The following H3-3A variants were observed in gnomAD, a reference collection of about 807,000 sequenced individuals.
The protein encoded by H3-3A is histone H3.3.
For missense variants in H3-3A, 7 were observed against 184.0 expected, an observed-to-expected ratio of 0.04 and a Z score of 5.57; for synonymous variants, 49 against 61.4, an observed-to-expected ratio of 0.80 and a Z score of 0.95.
chr1:226,062,993 C>T (rs1657784972), intron 1 of H3-3A, among the ~76,000 whole-genome samples, 182 bp downstream of exon 1: 2 of 151,906 alleles, frequency 1.3e-5, no homozygotes, highest in African/African-American at 2.4e-5. Flanking sequence ...GGCGGCTCCC[C>T]CGTCTCTCGC....
chr1:226,064,625 G>A (rs1428169643), intron 2 of H3-3A, 146 bp downstream of exon 2: 2 of 610,408 alleles, frequency 3.3e-6, no homozygotes, highest in Admixed American at 3.2e-5. Context: ...TTAAATAAAT[G>A]TACTGTATGA....
At chr1:226,069,391 G>GT (rs1658029264) in intron 3 of H3-3A, among the ~76,000 whole-genome samples, 1 of 152,128 alleles carries the variant, frequency 6.6e-6, no homozygotes, top group Non-Finnish European at 1.5e-5. Context: ...CTATAAGACT[G>GT]TTTTCTCCCT....
At chr1:226,069,576 A>C (rs932952773) in intron 3 of H3-3A, among the ~76,000 whole-genome samples, 1 of 152,162 alleles carries the variant, frequency 6.6e-6, no homozygotes, top group Non-Finnish European at 1.5e-5. Context: ...TCACACCTGT[A>C]ATCCCAGCAC....
At chr1:226,068,973 T>C (rs2102739925) in intron 3 of H3-3A, among the ~76,000 whole-genome samples, 1 of 152,216 alleles carries the variant, frequency 6.6e-6, no homozygotes, top group East Asian at 1.9e-4. Context: ...GTGAAAATAG[T>C]TCAATTTGAA....
At chr1:226,063,192 G>A (rs555973403) in intron 1 of H3-3A, among the ~76,000 whole-genome samples, 1 of 151,664 alleles carries the variant, frequency 6.6e-6, no homozygotes, top group East Asian at 2.0e-4. Flanking sequence ...GTTTTCGAGC[G>A]GGAAAGGGGT....
chr1:226,067,242 A>G (rs548688970), intron 3 of H3-3A: 1 of 152,316 alleles, frequency 6.6e-6, no homozygotes, highest in Admixed American at 6.5e-5. Context: ...TCATCTTTCT[A>G]AAATTATTCA....
upstream of H3-3A, chr1:226,061,837 T>A (rs1471499420): frequency 6.6e-6 from 1 of 152,076 alleles, no homozygotes; most frequent in African/African-American, 2.4e-5. Flanking sequence ...CTCCACACAT[T>A]GTTTAGAGGC....
chr1:226,067,372 G>C (rs953947440), intron 3 of H3-3A: 1 of 152,106 alleles, frequency 6.6e-6, no homozygotes, highest in Non-Finnish European at 1.5e-5. Flanking sequence ...CTCTTTATTG[G>C]AAAGAGTGAT....
At chr1:226,066,593 A>G (rs1576200673) in intron 3 of H3-3A, 1 of 152,362 alleles carries the variant, frequency 6.6e-6, no homozygotes, top group East Asian at 1.9e-4. Context: ...CATTAACATC[A>G]GTCACTTAAG....
intron 3 of H3-3A, chr1:226,067,216 A>C (rs1353179176): frequency 1.3e-5 from 2 of 152,192 alleles, no homozygotes; most frequent in Non-Finnish European, 2.9e-5. Context: ...TTTACTAAAC[A>C]ATCTGGGTAA....
chr1:226,061,874 G>GGGGCCC (rs992298651), upstream of H3-3A: 4 of 152,346 alleles, frequency 2.6e-5, no homozygotes, highest in Non-Finnish European at 5.9e-5. Flanking sequence ...TCTTGCGTCG[G>GGGGCCC]GGGCCCGGGC....
intron 1 of H3-3A, among the ~76,000 whole-genome samples, chr1:226,063,023 CA>C (rs1657786880): frequency 6.6e-6 from 1 of 152,092 alleles, no homozygotes; most frequent in Non-Finnish European, 1.5e-5. Flanking sequence ...CCAACAGCAG[CA>C]ACCGCCGCGG....
In H3-3A at chr1:226,071,367, A is replaced by G; in HGVS notation, c.299A>G (p.Tyr100Cys). Residue 100 changes from tyrosine to cysteine, a missense_variant, in exon 4 of 4, where the codon TAT becomes TGT. Tyr to Cys is a radical substitution (Grantham distance 194). Transcript: ENST00000366815. ...IGALQEASEAYLVGLFEDTNL... is the reference protein window; with the variant it reads ...IGALQEASEACLVGLFEDTNL... Reference sequence around the variant, plus strand: ...CTTTTGCAGGAGGCAAGTGAGGCCTATCTGGTTGGCCTTTTTGAAGACACC... The same window carrying G: ...CTTTTGCAGGAGGCAAGTGAGGCCTGTCTGGTTGGCCTTTTTGAAGACACC... The G allele has an allele frequency of 6.2e-7, 1 of 1,603,948 alleles. No individual in the cohort carries two copies. Among genetic ancestry groups the G allele is most frequent in the African/African-American group, 1.3e-5 (1 of 74,872 alleles).
intron 1 of H3-3A, among the ~76,000 whole-genome samples, chr1:226,063,051 C>T (rs1315046285): frequency 1.3e-5 from 2 of 152,062 alleles, no homozygotes; most frequent in African/African-American, 4.8e-5. Flanking sequence ...GCCTGCTCTC[C>T]CTCCTCCTCC....
chr1:226,063,625 A>G (rs928894727), intron 1 of H3-3A, among the ~76,000 whole-genome samples: 1 of 152,074 alleles, frequency 6.6e-6, no homozygotes, highest in African/African-American at 2.4e-5. Flanking sequence ...GAGGGACCCG[A>G]AGGAGGCAAA....
At chr1:226,066,368 T>C (rs1332575374) in intron 3 of H3-3A, 1 of 153,384 alleles carries the variant, frequency 6.5e-6, no homozygotes, top group Non-Finnish European at 1.5e-5. Flanking sequence ...ATACTGGACG[T>C]GTAAAGGGGC....
chr1:226,064,648 AAAGTT>A (rs1657863700), intron 2 of H3-3A, among the ~76,000 whole-genome samples, 169 bp downstream of exon 2: 1 of 152,184 alleles, frequency 6.6e-6, no homozygotes, highest in Admixed American at 6.5e-5. Context: ...ATTTATATAT[AAAGTT>A]AAGTATTAGG....
intron 3 of H3-3A, among the ~76,000 whole-genome samples, chr1:226,068,081 C>T (rs1360368212): frequency 6.6e-6 from 1 of 152,164 alleles, no homozygotes; most frequent in Non-Finnish European, 1.5e-5. Flanking sequence ...CTAATACTTT[C>T]TTGTAGTTCT....
chr1:226,068,762 A>G (rs1658003476), intron 3 of H3-3A, among the ~76,000 whole-genome samples: 1 of 152,238 alleles, frequency 6.6e-6, no homozygotes, highest in Non-Finnish European at 1.5e-5. Flanking sequence ...GTTATCAAGT[A>G]ACTTAAGGGC....
Sources: gnomAD v4.1 joint callset for allele counts (sites outside exome capture counted in the v4.1 genomes callset) on GRCh38, gnomAD v4.1.1 for gene constraint, MANE v1.5 for transcripts, NCBI Gene and HGNC (gene_info 2026-07-23, HGNC 2026-07-21) for gene names.